Variants in LRRK2 observed in about 807,000 individuals in gnomAD.
The protein encoded by LRRK2 is leucine rich repeat kinase 2, also known as leucine-rich repeat serine/threonine-protein kinase 2.
A neutral mutation model predicts 302.6 loss-of-function variants in LRRK2; 203 were observed. The observed-to-expected ratio is 0.67, with a 90% CI of 0.60 to 0.75. The LOEUF (loss-of-function observed/expected upper bound fraction) is 0.75. Among genes scored for constraint, LRRK2 ranks in the 30% least tolerant of loss-of-function variants. The pLI is 0.00. For synonymous variants in LRRK2, 1,066 were observed against 1,031.9 expected (o/e 1.03, Z -0.63); for missense variants, 2,830 against 2,951.0 (o/e 0.96, Z 0.95).
Position 40,310,624 on chromosome 12 carries a change from T to G in LRRK2, c.4511T>G (p.Ile1504Ser). 1 of 1,612,776 alleles carries G rather than the reference T, an allele frequency of 6.2e-7. No individual in the cohort carries two copies. Among genetic ancestry groups the G allele is most frequent in the Non-Finnish European group, 8.5e-7 (1 of 1,179,686 alleles). ...SDALAKLRKT[I>S]INESLNFKIR... is the part of the protein sequence containing the mutation. ...GCTTTGGCAAAACTTCGGAAAACCA[T>G]CATAAACGAGAGCCTTAATTTCAAG... Residue 1504 changes from isoleucine to serine, a missense_variant, in exon 31 of 51, where the codon ATC becomes AGC. Ile to Ser is a moderately radical substitution (Grantham distance 142). Around this residue, in one of 3 missense-constraint regions of LRRK2, gnomAD observed 2,121 missense variants for 2,148.0 expected, o/e 0.99. Transcript: ENST00000298910.
At chr12:40,254,029 G>A (rs1592167158) in intron 11 of LRRK2, among the ~76,000 whole-genome samples, 1 of 152,086 alleles carries the variant, frequency 6.6e-6, no homozygotes, top group Admixed American at 6.6e-5. Context: ...AAAATGGCTT[G>A]TATCCCTTTA....
chr12:40,258,892 A>G (rs1207933933), intron 12 of LRRK2, among the ~76,000 whole-genome samples: 9 of 152,234 alleles, frequency 5.9e-5, no homozygotes, highest in Admixed American at 5.9e-4. Context: ...TGACTGTATT[A>G]AAGTTCATAG....
intron 13 of LRRK2, among the ~76,000 whole-genome samples, chr12:40,262,041 T>C (rs1200126958): frequency 6.6e-6 from 1 of 152,086 alleles, no homozygotes; most frequent in African/African-American, 2.4e-5. Flanking sequence ...GAGGAAATAA[T>C]GTGAAATTCT....
chr12:40,232,379 C>T lies in LRRK2; in HGVS notation c.343C>T (p.His115Tyr). ...VGNDWEVLGV[H>Y]QLILKMLTVH... The stretch of plus-strand genomic sequence containing the variant: ...AAATGATTGGGAAGTCCTTGGTGTT[C>T]ACCAGTAAGTATGATAGATATGTAA... Residue 115 changes from histidine (H) to tyrosine (Y), a missense_variant, in exon 3 of 51, where the codon CAC (histidine) becomes TAC (tyrosine). Physicochemically the swap from His to Tyr is moderately conservative, Grantham distance 83. Transcript: ENST00000298910. 1.9e-6 allele frequency: 3 copies of T among 1,609,156 alleles called. No homozygotes were observed. Among genetic ancestry groups the T allele is most frequent in the Middle Eastern group, 3.3e-4 (2 of 6,052 alleles).
At chr12:40,253,771 T>C (rs535147480) in intron 11 of LRRK2, among the ~76,000 whole-genome samples, 2 of 152,334 alleles carry the variant, frequency 1.3e-5, no homozygotes, top group South Asian at 4.1e-4. Context: ...TTAGTTTGTG[T>C]CCAGTGGGAT....
At chr12:40,283,785 G>A in intron 18 of LRRK2, 90 bp from the exon 19 acceptor site, 1 of 1,138,728 alleles carries the variant, frequency 8.8e-7, no homozygotes, top group East Asian at 2.6e-5. Flanking sequence ...TGGAGATGTA[G>A]AGAAAAATCA....
chr12:40,276,382 G>A (rs549113607), intron 16 of LRRK2, among the ~76,000 whole-genome samples: 45 of 152,128 alleles, frequency 3.0e-4, no homozygotes, highest in Admixed American at 2.0e-3. Context: ...ATCACCCTCC[G>A]CCTCCTGGGT....
chr12:40,354,843 A>AAT (rs767600189), intron 45 of LRRK2, among the ~76,000 whole-genome samples: 1,812 of 24,906 alleles, frequency 0.073, 39 homozygotes, highest in African/African-American at 0.11. Flanking sequence ...AAAAAAAAAA[A>AAT]ATATATATAT....
chr12:40,292,278 T>G (rs1320613489), intron 20 of LRRK2, among the ~76,000 whole-genome samples: 4 of 152,112 alleles, frequency 2.6e-5, no homozygotes, highest in Non-Finnish European at 4.4e-5. Flanking sequence ...TGCTGTCTGT[T>G]GCCCAGTGTC....
chr12:40,266,034 A>G (rs999692838), intron 14 of LRRK2, among the ~76,000 whole-genome samples: 2 of 152,332 alleles, frequency 1.3e-5, no homozygotes, highest in Admixed American at 1.3e-4. Flanking sequence ...TGTTAGACCT[A>G]AAACCATAAA....
chr12:40,331,769 T>C (rs10506153), intron 39 of LRRK2, among the ~76,000 whole-genome samples: 24,706 of 151,940 alleles, frequency 0.16, 2,346 homozygotes, highest in African/African-American at 0.25. Flanking sequence ...CAGCAATGAG[T>C]TTATCAGATA....
At chr12:40,294,959 G>A (rs1944323824) in intron 22 of LRRK2, 45 bp downstream of exon 22, 2 of 1,186,274 alleles carry the variant, frequency 1.7e-6, no homozygotes, top group Non-Finnish European at 1.2e-6. Context: ...ATTTTGGGCA[G>A]AATGCAGTGT....
In LRRK2 at chr12:40,302,892, T is replaced by C. The variant is rs1051050605; in HGVS notation, c.3590+10T>C. ...TTTTAAATCTTCCACAGTAAGTTTA[T>C]TGTTATTTTAATTTTAAAAGCACAT... On this transcript the variant is annotated intron_variant, in intron 26 of 50. Coordinates refer to ENST00000298910, the MANE Select transcript of LRRK2 (RefSeq NM_198578.4). 5 of 1,514,542 alleles carry C rather than the reference T, an allele frequency of 3.3e-6. No individual in the cohort carries two copies. The highest frequency in any genetic ancestry group is 4.6e-6 in the Non-Finnish European group (5 of 1,090,084). 93.8% of individuals were successfully genotyped at this position (1,514,542 alleles called of 1,614,324 possible). A position where few individuals can be genotyped will look rare whatever the true frequency, so the allele number is the denominator to read the frequency against.
intron 11 of LRRK2, among the ~76,000 whole-genome samples, chr12:40,255,758 T>C (rs568866743): frequency 6.6e-6 from 1 of 152,274 alleles, no homozygotes; most frequent in South Asian, 2.1e-4. Flanking sequence ...TCTTTTAAAG[T>C]GTCTTCTTGG....
Position 40,233,741 on chromosome 12 carries a change from G to A in LRRK2, c.347+1358G>A, listed in dbSNP as rs543083705. On this transcript the variant is annotated intron_variant, in intron 3 of 50. Transcript: ENST00000298910. ...GTCTATAACCTCAGGGAGTGTTTGG[G>A]AAACTCATCTAGTCATATTCCTGTA... Among the ~76,000 whole-genome samples, 124 of 152,274 alleles carry A rather than the reference G, an allele frequency of 8.1e-4. 1 individual carries two copies. The highest frequency in any genetic ancestry group is 2.8e-3 in the African/African-American group (117 of 41,544).
rs200546919 is a variant in LRRK2, at chr12:40,368,701, T to C, written c.*936T>C. On this transcript the variant is annotated 3_prime_UTR_variant, in exon 51 of 51. Transcript: ENST00000298910. ...ATTCAGATAGAAACCTTTTTTTTTTTCAGAATTATAGAATTCCACAGCTCC... is the reference window on the plus strand; with the variant it reads ...ATTCAGATAGAAACCTTTTTTTTTTCCAGAATTATAGAATTCCACAGCTCC... The C allele has an allele frequency of 2.7e-5, 4 of 150,732 alleles. No individual in the cohort carries two copies. Among genetic ancestry groups the C allele is most frequent in the South Asian group, 2.1e-4 (1 of 4,748 alleles). 9.3% of individuals were successfully genotyped at this position (150,732 alleles called of 1,614,324 possible).
intron 49 of LRRK2, 53 bp from the exon 50 acceptor site, chr12:40,366,953 C>G (rs971781032): frequency 7.4e-7 from 1 of 1,358,120 alleles, no homozygotes; most frequent in African/African-American, 1.5e-5. Context: ...TTTTTTCAGG[C>G]CAGTTTAATA....
chr12:40,247,826 A>T (rs906356265), intron 7 of LRRK2, among the ~76,000 whole-genome samples: 1 of 147,144 alleles, frequency 6.8e-6, no homozygotes, highest in African/African-American at 2.5e-5. Context: ...ATAAATATAT[A>T]TATTTTTTGA....
intron 7 of LRRK2, among the ~76,000 whole-genome samples, chr12:40,247,681 T>G (rs1421623661): frequency 1.8e-4 from 13 of 71,848 alleles, no homozygotes; most frequent in Admixed American, 3.7e-4. Flanking sequence ...AATATATACA[T>G]TTATATATAA....
Sources: allele counts gnomAD v4.1 joint callset (sites outside exome capture counted in the v4.1 genomes callset), GRCh38; gene constraint gnomAD v4.1.1; regional missense constraint gnomAD v4.1.1; transcripts MANE v1.5; gene names NCBI Gene and HGNC (gene_info 2026-07-23, HGNC 2026-07-21).